SMAD1: variants seen among roughly 807,000 people sequenced by gnomAD.
The protein encoded by SMAD1 is SMAD family member 1, also known as MAD, mothers against decapentaplegic homolog 1.
SMAD1 carries 6 observed loss-of-function variants against 41.6 expected under a neutral mutation model. That is an observed-to-expected ratio of 0.14 (90% CI 0.08 to 0.28). SMAD1 has a LOEUF of 0.28. SMAD1 is among the 10% of genes least tolerant of loss of function. The pLI is 1.00. For missense variants in SMAD1, 379 were observed against 582.6 expected (o/e 0.65, Z 3.60); for synonymous variants, 206 against 203.2 (o/e 1.01, Z -0.12).
chr4:145,554,380 T>C (rs1055970896), intron 6 of SMAD1, among the ~76,000 whole-genome samples: 2 of 152,206 alleles, frequency 1.3e-5, no homozygotes, highest in Admixed American at 1.3e-4. Context: ...CGAGATCAGT[T>C]GAGTAAGCAT....
At chr4:145,522,070 G>A (rs1730769638) in intron 2 of SMAD1, among the ~76,000 whole-genome samples, 1 of 152,194 alleles carries the variant, frequency 6.6e-6, no homozygotes, top group Non-Finnish European at 1.5e-5. Flanking sequence ...CACTTTGGGA[G>A]GCCAAGGCGG....
At chr4:145,489,629 T>G (rs1001676203) in intron 1 of SMAD1, among the ~76,000 whole-genome samples, 9 of 152,172 alleles carry the variant, frequency 5.9e-5, no homozygotes, top group Non-Finnish European at 1.2e-4. Flanking sequence ...AAGAGCTGGT[T>G]GTAGAAGAAA....
At chr4:145,531,224 A>G (rs949772326) in intron 2 of SMAD1, among the ~76,000 whole-genome samples, 2 of 152,220 alleles carry the variant, frequency 1.3e-5, no homozygotes, top group African/African-American at 4.8e-5. Context: ...ATGCTGAGGT[A>G]AGGAATTTTA....
chr4:145,531,075 C>T (rs950876003), intron 2 of SMAD1, among the ~76,000 whole-genome samples: 6 of 152,160 alleles, frequency 3.9e-5, no homozygotes, highest in African/African-American at 9.7e-5. Context: ...ATAGACCCTC[C>T]GTACTATCAC....
chr4:145,511,399 A>G (rs896477460), intron 1 of SMAD1, among the ~76,000 whole-genome samples: 22 of 152,222 alleles, frequency 1.4e-4, no homozygotes, highest in African/African-American at 5.3e-4. Flanking sequence ...CTGCCCCCTG[A>G]GTGGCTGAGA....
chr4:145,525,806 G>A (rs1200377407), intron 2 of SMAD1: 5 of 152,222 alleles, frequency 3.3e-5, no homozygotes, highest in Admixed American at 3.3e-4. Context: ...ATAAAACTAT[G>A]TAACTAGAGG....
At chr4:145,545,145 G>GT (rs1732174972) in intron 4 of SMAD1, 1 of 151,804 alleles carries the variant, frequency 6.6e-6, no homozygotes, top group South Asian at 2.1e-4. Context: ...CCTGCTATCT[G>GT]TTTTTGTAAA....
At position 145,524,790 on chromosome 4, in the gene SMAD1, GAA is replaced by G. The variant is rs11293293; in HGVS notation, c.400+9789_400+9790del. ...AGCCAGCAGCTGTTAAAAAGAAAAC[GAA>G]AAAAAAAAAAAGTGACTGAAGAAAA... On this transcript the variant is annotated intron_variant, in intron 2 of 6. Coordinates refer to ENST00000302085, the MANE Select transcript of SMAD1 (RefSeq NM_005900.3). Among the ~76,000 whole-genome samples, 191 of 145,374 alleles carry G rather than the reference GAA, an allele frequency of 1.3e-3. 1 individual carries two copies. The highest frequency in any genetic ancestry group is 5.0e-3 in the East Asian group (25 of 5,034).
rs184986232 is a variant in SMAD1 at position 145,553,646 on chromosome 4, A to G, written c.998-138A>G. ...CCCGGGGGTTGGGAACTCCTGTTGTACAGGACCTAGAGAATAGCTAGCTAA... is the reference window on the plus strand; with the variant it reads ...CCCGGGGGTTGGGAACTCCTGTTGTGCAGGACCTAGAGAATAGCTAGCTAA... On this transcript the variant is annotated intron_variant, in intron 5 of 6. Coordinates refer to ENST00000302085, the MANE Select transcript of SMAD1 (RefSeq NM_005900.3). 7.8e-6 allele frequency: 6 copies of G among 768,876 alleles called. No individual in the cohort carries two copies. The African/African-American group carries it at 1.0e-4, about 13-fold the overall frequency. The allele number at this position is 768,876 out of a possible 1,614,324, so 47.6% of individuals were successfully genotyped here.
At chr4:145,536,304 T>C (rs935492605) in intron 2 of SMAD1, among the ~76,000 whole-genome samples, 28 of 152,150 alleles carry the variant, frequency 1.8e-4, no homozygotes, top group Admixed American at 1.5e-3. Flanking sequence ...TCCCAGATTT[T>C]GGTTTCTAAA....
At chr4:145,549,519 C>G (rs1732445177) in intron 5 of SMAD1, among the ~76,000 whole-genome samples, 1 of 152,162 alleles carries the variant, frequency 6.6e-6, no homozygotes, top group African/African-American at 2.4e-5. Flanking sequence ...AGTGATCAAG[C>G]AAATGGAGTA....
At chr4:145,508,431 A>G (rs1729904265) in intron 1 of SMAD1, among the ~76,000 whole-genome samples, 1 of 152,076 alleles carries the variant, frequency 6.6e-6, no homozygotes, top group Non-Finnish European at 1.5e-5. Context: ...ACTATTCTAT[A>G]TTTTATTTTC....
At chr4:145,521,601 C>A (rs2126445210) in intron 2 of SMAD1, among the ~76,000 whole-genome samples, 1 of 152,056 alleles carries the variant, frequency 6.6e-6, no homozygotes, top group African/African-American at 2.4e-5. Flanking sequence ...TAAATTTTAC[C>A]TTGAAGAGAA....
intron 5 of SMAD1, among the ~76,000 whole-genome samples, chr4:145,549,557 A>G (rs1732447344): frequency 6.6e-6 from 1 of 152,200 alleles, no homozygotes; most frequent in South Asian, 2.1e-4. Flanking sequence ...CATCTGGATA[A>G]TGGTTATATG....
rs776357140 is a variant in SMAD1, at chr4:145,515,007, A to G, written c.394A>G (p.Ser132Gly). ...INPYHYKRVE[S>G]PVLPPVLVPR... ...TCCCTACCACTATAAGAGAGTAGAA[A>G]GCCCTGGTAAGTGAGTTATTTTATG... The change falls in exon 2 of 7, where the codon AGC becomes GGC. Residue 132 changes from serine to glycine, a missense_variant. This residue lies in a region of SMAD1 where 208 missense variants were observed against 210.5 expected (regional missense o/e 0.99). Transcript: ENST00000302085. 5.6e-6 allele frequency: 9 copies of G among 1,598,660 alleles called. No individual in the cohort carries two copies. In the Admixed American group the frequency reaches 8.6e-5, roughly 15 times the overall value.
At chr4:145,494,253 C>T (rs149654957) in intron 1 of SMAD1, among the ~76,000 whole-genome samples, 2 of 152,360 alleles carry the variant, frequency 1.3e-5, no homozygotes, top group African/African-American at 4.8e-5. Context: ...AGCCACCGCG[C>T]CCGGCCCCAG....
At chr4:145,499,263 T>A (rs1471807919) in intron 1 of SMAD1, among the ~76,000 whole-genome samples, 1 of 152,228 alleles carries the variant, frequency 6.6e-6, no homozygotes, top group Non-Finnish European at 1.5e-5. Context: ...AGTGGAAAAT[T>A]CTGCACCTAA....
At chr4:145,549,078 G>A (rs1049221150) in intron 5 of SMAD1, among the ~76,000 whole-genome samples, 4 of 152,144 alleles carry the variant, frequency 2.6e-5, no homozygotes, top group East Asian at 1.9e-4. Flanking sequence ...AGAAGGGGGA[G>A]TAATTCTTTC....
chr4:145,485,990 G>A (rs1401101054), intron 1 of SMAD1, among the ~76,000 whole-genome samples: 1 of 152,160 alleles, frequency 6.6e-6, no homozygotes, highest in African/African-American at 2.4e-5. Context: ...GGATATGATC[G>A]AGGCAGTCCA....
Sources: gnomAD v4.1 joint callset for allele counts (sites outside exome capture counted in the v4.1 genomes callset) on GRCh38, gnomAD v4.1.1 for gene constraint, gnomAD v4.1.1 regional missense constraint, MANE v1.5 for transcripts, NCBI Gene and HGNC (gene_info 2026-07-23, HGNC 2026-07-21) for gene names.